The following PAXBP1 variants were observed in gnomAD, a reference collection of about 807,000 sequenced individuals.
The protein encoded by PAXBP1 is PAX3 and PAX7 binding protein 1.
A neutral mutation model predicts 119.9 loss-of-function variants in PAXBP1; 44 were observed. That is an observed-to-expected ratio of 0.37 (90% CI 0.29 to 0.47). The LOEUF is 0.47. Ranked by LOEUF, PAXBP1 falls within the 20% of genes least tolerant of loss-of-function variation. PAXBP1 has a pLI of 0.99. For synonymous variants in PAXBP1, 393 were observed against 406.6 expected, an observed-to-expected ratio of 0.97 and a Z score of 0.40; for missense variants, 898 against 1,134.1, an observed-to-expected ratio of 0.79 and a Z score of 2.99.
Position 32,734,860 on chromosome 21 carries a change from C to T in PAXBP1, c.*90G>A, listed in dbSNP as rs1601577564. 2.2e-6 allele frequency: 2 copies of T among 898,378 alleles called. No individual in the cohort carries two copies. The highest frequency in any genetic ancestry group is 2.4e-5 in the East Asian group (1 of 41,258). 55.7% of individuals were successfully genotyped at this position (898,378 alleles called of 1,614,324 possible). A position where few individuals can be genotyped will look rare whatever the true frequency, so the allele number is the denominator to read the frequency against. On this transcript the variant is annotated 3_prime_UTR_variant, in exon 18 of 18. Transcript: ENST00000331923. ...GTTTTTTGTATTAAAACAAGAATTG[C>T]TATTTTACAGTTTAAGAAACTTTAC...
chr21:32,760,742 C>T (rs556213943), intron 5 of PAXBP1, among the ~76,000 whole-genome samples: 5 of 152,170 alleles, frequency 3.3e-5, no homozygotes, highest in South Asian at 2.1e-4. Flanking sequence ...TGGTAATTTG[C>T]GTTTCTAATG....
chr21:32,740,661 A>C (rs760392708), intron 15 of PAXBP1, among the ~76,000 whole-genome samples: 44 of 152,238 alleles, frequency 2.9e-4, no homozygotes, highest in Non-Finnish European at 5.0e-4. Context: ...AAAGGATAGG[A>C]GAAAACCTTT....
intron 2 of PAXBP1, among the ~76,000 whole-genome samples, chr21:32,767,059 C>G (rs1042830563): frequency 6.6e-6 from 1 of 152,132 alleles, no homozygotes; most frequent in Non-Finnish European, 1.5e-5. Flanking sequence ...ATACGGCTCC[C>G]TCATCAATTC....
chr21:32,759,186 G>A lies in PAXBP1; in HGVS notation c.1277C>T (p.Ala426Val). ...AGAAGACCCTTCTAATCTTTCAATAGCCCTGGTAGAGTCCACTCGGCTTTG... is the reference window on the plus strand; with the variant it reads ...AGAAGACCCTTCTAATCTTTCAATAACCCTGGTAGAGTCCACTCGGCTTTG... The part of the protein sequence containing the change: ...HLQSRVDSTR[A>V]IERLEGSSGG... Residue 426 changes from alanine (A) to valine (V), a missense_variant, in exon 7 of 18, where the codon GCT becomes GTT. Coordinates refer to ENST00000331923, the MANE Select transcript of PAXBP1 (RefSeq NM_016631.4). The A allele has an allele frequency of 6.2e-7, 1 of 1,613,986 alleles. No homozygotes were observed. The highest frequency in any genetic ancestry group is 1.1e-5 in the South Asian group (1 of 91,070).
At chr21:32,742,653 T>C (rs2043804351) in intron 15 of PAXBP1, 1 of 187,284 alleles carries the variant, frequency 5.3e-6, no homozygotes, top group African/African-American at 2.4e-5. Context: ...GCTTACTCAG[T>C]GCTATATCCC....
chr21:32,752,336 T>C (rs988762267), intron 8 of PAXBP1, among the ~76,000 whole-genome samples: 2 of 151,980 alleles, frequency 1.3e-5, no homozygotes, highest in Non-Finnish European at 2.9e-5. Context: ...CTTGCCTAGG[T>C]AAAAGAAGGG....
chr21:32,745,844 A>G, intron 11 of PAXBP1, 126 bp from the exon 12 acceptor site: 1 of 1,117,946 alleles, frequency 8.9e-7, no homozygotes. Context: ...GGACGGCTGG[A>G]GATATCATGC....
At position 32,751,157 on chromosome 21, in the gene PAXBP1, C is replaced by T; in HGVS notation, c.1569G>A (p.Glu523=). 1 of 1,614,134 alleles carries T rather than the reference C, an allele frequency of 6.2e-7. No homozygotes were observed. The highest frequency in any genetic ancestry group is 8.5e-7 in the Non-Finnish European group (1 of 1,179,964). The change falls in exon 9 of 18, where the codon GAG becomes GAA. Residue 523 remains glutamate (E), a synonymous_variant. Transcript: ENST00000331923. The stretch of plus-strand genomic sequence containing the variant: ...GCTCTGCAATGCGACGTTTTGCATG[C>T]TCTTGATACAGTGCCCGATCGCGTC... ...SFGRDRALYQ[E]HAKRRIAERE...
At chr21:32,739,329 T>A (rs1432652503) in intron 15 of PAXBP1, among the ~76,000 whole-genome samples, 1 of 152,134 alleles carries the variant, frequency 6.6e-6, no homozygotes, top group Non-Finnish European at 1.5e-5. Context: ...CATCTCTAAT[T>A]ACCAATGGAA....
At chr21:32,747,547 T>C (rs2043892927) in intron 11 of PAXBP1, among the ~76,000 whole-genome samples, 1 of 152,236 alleles carries the variant, frequency 6.6e-6, no homozygotes. Context: ...ATAGGAGCTG[T>C]GAGCTGAATG....
rs772481542 is a variant in PAXBP1, at chr21:32,755,358, A to C, written c.1384-5T>G. 2.5e-6 allele frequency: 4 copies of C among 1,611,664 alleles called. No individual in the cohort carries two copies. The African/African-American group carries it at 4.0e-5, about 16-fold the overall frequency. On this transcript the variant is annotated splice_region_variant and splice_polypyrimidine_tract_variant and intron_variant, in intron 7 of 17. Transcript: ENST00000331923. Reference sequence around the variant, plus strand: ...AAGTTCATTAATCAGTGGCACCTGTAAAAATACAACACACTCCGTAACACC... The same window carrying C: ...AAGTTCATTAATCAGTGGCACCTGTCAAAATACAACACACTCCGTAACACC...
intron 10 of PAXBP1, among the ~76,000 whole-genome samples, chr21:32,750,534 A>C (rs2043942958): frequency 6.6e-6 from 1 of 152,204 alleles, no homozygotes; most frequent in Non-Finnish European, 1.5e-5. Flanking sequence ...AGGTGAGATT[A>C]CTTATGACTC....
chr21:32,738,034 T>A, intron 16 of PAXBP1, 139 bp downstream of exon 16: 2 of 775,528 alleles, frequency 2.6e-6, no homozygotes, highest in South Asian at 2.3e-5. Context: ...ACTACCTGGG[T>A]AGGCAAACTG....
chr21:32,751,291 G>A, intron 8 of PAXBP1, 73 bp from the exon 9 acceptor site: 1 of 1,402,974 alleles, frequency 7.1e-7, no homozygotes, highest in Middle Eastern at 1.8e-4. Context: ...CACAGAATAA[G>A]CCATTACGAC....
Position 32,764,538 on chromosome 21 carries a change from G to GA in PAXBP1, c.473-15dup. 1.3e-6 allele frequency: 2 copies of GA among 1,545,068 alleles called. No individual in the cohort carries two copies. Among genetic ancestry groups the GA allele is most frequent in the Non-Finnish European group, 1.8e-6 (2 of 1,141,454 alleles). On this transcript the variant is annotated splice_polypyrimidine_tract_variant and intron_variant, in intron 2 of 17. Coordinates refer to ENST00000331923, the MANE Select transcript of PAXBP1 (RefSeq NM_016631.4). The stretch of plus-strand genomic sequence containing the variant: ...AAGGTTGTTCACCTAAATTTTTGAA[G>GA]AATTAAAATATATGTAAAATAAAAT...
chr21:32,771,502 A>T lies in PAXBP1; in HGVS notation c.167T>A (p.Leu56Gln). ...GGDRAPGGESLLGPGPSPPSA... is the reference protein window; with the variant it reads ...GGDRAPGGESQLGPGPSPPSA... ...AGGCGGCGACGGCCCCGGGCCCAGC[A>T]GCGACTCCCCGCCAGGGGCCCTGTC... Residue 56 changes from leucine (L) to glutamine (Q), a missense_variant, in exon 1 of 18, where the codon CTG (leucine) becomes CAG (glutamine). Transcript: ENST00000331923. The T allele has an allele frequency of 7.5e-7, 1 of 1,324,826 alleles. No individual in the cohort carries two copies. Among genetic ancestry groups the T allele is most frequent in the Non-Finnish European group, 9.6e-7 (1 of 1,043,164 alleles). The allele number at this position is 1,324,826 out of a possible 1,614,324, so 82.1% of individuals were successfully genotyped here.
intron 11 of PAXBP1, among the ~76,000 whole-genome samples, chr21:32,747,857 A>G (rs2043898116): frequency 6.6e-6 from 1 of 150,532 alleles, no homozygotes. Flanking sequence ...GCACAATCAT[A>G]GCTCATTACA....
At chr21:32,744,132 G>A (rs1025963259) in intron 13 of PAXBP1, among the ~76,000 whole-genome samples, 1 of 151,952 alleles carries the variant, frequency 6.6e-6, no homozygotes, top group Admixed American at 6.6e-5. Flanking sequence ...TTATAAAACA[G>A]TATCTAGTTG....
Position 32,734,944 on chromosome 21 carries a change from A to G in PAXBP1, c.*6T>C. 1.2e-6 allele frequency: 2 copies of G among 1,602,940 alleles called. No homozygotes were observed. Among genetic ancestry groups the G allele is most frequent in the Non-Finnish European group, 1.7e-6 (2 of 1,170,030 alleles). The stretch of plus-strand genomic sequence containing the variant: ...TCAAGCAAATAGGTTTTTCAGTCTC[A>G]TAGATCTATTTTCCTTCGATCAAAG... On this transcript the variant is annotated 3_prime_UTR_variant, in exon 18 of 18. Transcript: ENST00000331923.
Sources: gnomAD v4.1 joint callset for allele counts (sites outside exome capture counted in the v4.1 genomes callset) on GRCh38, gnomAD v4.1.1 for gene constraint, MANE v1.5 for transcripts, NCBI Gene and HGNC (gene_info 2026-07-23, HGNC 2026-07-21) for gene names.